Variants in STAT4 observed in about 807,000 individuals in gnomAD.
The protein encoded by STAT4 is signal transducer and activator of transcription 4.
A neutral mutation model predicts 110.5 loss-of-function variants in STAT4; 42 were observed. The observed-to-expected ratio is 0.38, with a 90% CI of 0.30 to 0.49. The LOEUF is 0.49. Ranked by LOEUF, STAT4 falls within the 20% of genes least tolerant of loss-of-function variation. The probability of loss-of-function intolerance (pLI) is 0.95; values close to 1 mark genes in which losing one functional copy is unlikely to be tolerated. For missense variants in STAT4, 632 were observed against 887.9 expected (o/e 0.71, Z 3.66); for synonymous variants, 284 against 302.2 (o/e 0.94, Z 0.63).
chr2:191,148,114 A>T lies in STAT4; in HGVS notation c.90T>A (p.Ile30=), dbSNP rs1699503776. Residue 30 remains isoleucine (I), a synonymous_variant, in exon 2 of 24, where the codon ATT becomes ATA. Coordinates refer to ENST00000392320, the MANE Select transcript of STAT4 (RefSeq NM_003151.4). ...CAATCCATTGGGCCAACAGATGCCG[A>T]ATTTCCATGGGAAAGTTGTCATCAT... ...QFYDDNFPME[I]RHLLAQWIEN... The T allele has an allele frequency of 6.2e-7, 1 of 1,613,826 alleles. No homozygotes were observed. The highest frequency in any genetic ancestry group is 1.3e-5 in the African/African-American group (1 of 74,910).
rs553737400 is a variant in STAT4, at chr2:191,148,260, A to G, written c.-1-56T>C. 5.8e-6 allele frequency: 9 copies of G among 1,564,206 alleles called. No individual in the cohort carries two copies. In the Admixed American group the frequency reaches 1.6e-4, roughly 28 times the overall value. ...AAAATATTGTTCATAGCCCTAGTAC[A>G]TATTTTCTTCTTTCCTTAGAATTAG... On this transcript the variant is annotated intron_variant, in intron 1 of 23. Coordinates refer to ENST00000392320, the MANE Select transcript of STAT4 (RefSeq NM_003151.4).
chr2:191,096,448 T>C (rs1265217756), intron 3 of STAT4, among the ~76,000 whole-genome samples: 1 of 152,190 alleles, frequency 6.6e-6, no homozygotes, highest in Non-Finnish European at 1.5e-5. Context: ...ATCCCTGGGA[T>C]GCAAGGCTGG....
chr2:191,106,571 G>C (rs916530374), intron 3 of STAT4, among the ~76,000 whole-genome samples: 3 of 151,634 alleles, frequency 2.0e-5, no homozygotes, highest in Admixed American at 2.0e-4. Flanking sequence ...CAGGAGAATC[G>C]CTTGAACCTG....
rs138051971 is a variant in STAT4 at position 191,059,782 on chromosome 2, A to G, written c.1035-1013T>C. On this transcript the variant is annotated intron_variant, in intron 10 of 23. Coordinates refer to ENST00000392320, the MANE Select transcript of STAT4 (RefSeq NM_003151.4). This position sits in a 1 kb window ranked among gnomAD's most constrained non-coding sequence, Gnocchi z 4.7. ...CAAAGGCTCTTTAAAAGTCCTGTAC[A>G]AGGCACAAGATTGGTTCAGGATCTG... 2.8e-4 allele frequency among the ~76,000 whole-genome samples: 42 copies of G among 152,336 alleles called. No individual in the cohort carries two copies. In the East Asian group the frequency reaches 7.7e-3, roughly 28 times the overall value.
At chr2:191,094,519 C>A (rs190786298) in intron 3 of STAT4, among the ~76,000 whole-genome samples, 1 of 152,212 alleles carries the variant, frequency 6.6e-6, no homozygotes, top group African/African-American at 2.4e-5. Flanking sequence ...AAATAAAATC[C>A]TTTACAGACA....
rs530326128 is a variant in STAT4 at position 191,131,933 on chromosome 2, CA to C, written c.273+14679del. 3.8e-3 allele frequency: 5,071 copies of C among 1,339,532 alleles called. 20 individuals carry two copies. The highest frequency in any genetic ancestry group is 4.5e-3 in the Non-Finnish European group (4,703 of 1,038,758). 83.0% of individuals were successfully genotyped at this position (1,339,532 alleles called of 1,614,324 possible). On this transcript the variant is annotated intron_variant, in intron 3 of 23. Transcript: ENST00000392320. ...AAATTAGAGGTCTGTTTATTCTCTA[CA>C]CTTGTGGAGGTGTGTGTTATCTAGA...
intron 3 of STAT4, among the ~76,000 whole-genome samples, chr2:191,127,310 T>C (rs1698908173): frequency 6.6e-6 from 1 of 152,212 alleles, no homozygotes; most frequent in Non-Finnish European, 1.5e-5. Context: ...TCGCTTAAAG[T>C]GCCTCGCTTG....
At position 191,031,093 on chromosome 2, in the gene STAT4, A is replaced by G. The variant is rs1195236812; in HGVS notation, c.2112-13T>C. On this transcript the variant is annotated splice_polypyrimidine_tract_variant and intron_variant, in intron 22 of 23. Transcript: ENST00000392320. The surrounding 1 kb of genome is among the most constrained non-coding windows in gnomAD (Gnocchi z 4.8). ...TGAATCACTTCGGCTTAAAGAGATAACAAGGTCAATATGGACAAGGATTAA... is the reference window on the plus strand; with the variant it reads ...TGAATCACTTCGGCTTAAAGAGATAGCAAGGTCAATATGGACAAGGATTAA... The G allele has an allele frequency of 4.3e-6, 7 of 1,612,258 alleles. No homozygotes were observed. The highest frequency in any genetic ancestry group is 1.3e-5 in the African/African-American group (1 of 74,896).
intron 3 of STAT4, among the ~76,000 whole-genome samples, chr2:191,093,410 G>A (rs1243026514): frequency 2.0e-5 from 3 of 152,212 alleles, no homozygotes; most frequent in African/African-American, 4.8e-5. Context: ...AATATTTGCT[G>A]TTCTGCAGCC....
rs760744584 is a variant in STAT4 at position 191,035,914 on chromosome 2, G to A, written c.1570+250C>T. 3.4e-4 allele frequency among the ~76,000 whole-genome samples: 52 copies of A among 152,172 alleles called. No individual in the cohort carries two copies. The highest frequency in any genetic ancestry group is 6.3e-4 in the Non-Finnish European group (43 of 68,036). ...GCTGCTGTGTACTAGCCATGCAGCCGTGGCAAGTCACTTGACTTCTGCACT... is the reference window on the plus strand; with the variant it reads ...GCTGCTGTGTACTAGCCATGCAGCCATGGCAAGTCACTTGACTTCTGCACT... On this transcript the variant is annotated intron_variant, in intron 17 of 23. Coordinates refer to ENST00000392320, the MANE Select transcript of STAT4 (RefSeq NM_003151.4). This position sits in a 1 kb window ranked among gnomAD's most constrained non-coding sequence, Gnocchi z 4.7.
At position 191,032,934 on chromosome 2, in the gene STAT4, CA is replaced by C. The variant is rs755816671; in HGVS notation, c.2044+23del. 22 of 1,567,394 alleles carry C rather than the reference CA, an allele frequency of 1.4e-5. No homozygotes were observed. The East Asian group carries it at 5.0e-4, about 35-fold the overall frequency. ...TTCCAAAATCTTAAGGAAAAAAAAA[CA>C]AAAACAAACAGAAAAACCTAACCTT... On this transcript the variant is annotated intron_variant, in intron 21 of 23. Coordinates refer to ENST00000392320, the MANE Select transcript of STAT4 (RefSeq NM_003151.4). This position sits in a 1 kb window ranked among gnomAD's most constrained non-coding sequence, Gnocchi z 4.9.
chr2:191,120,763 T>C lies in STAT4; in HGVS notation c.273+25850A>G, dbSNP rs10209345. Among the ~76,000 whole-genome samples the C allele has an allele frequency of 3.0e-3, 452 of 152,176 alleles. 1 individual carries two copies. Among genetic ancestry groups the C allele is most frequent in the African/African-American group, 9.1e-3 (376 of 41,538 alleles). On this transcript the variant is annotated intron_variant, in intron 3 of 23. Transcript: ENST00000392320. The stretch of plus-strand genomic sequence containing the variant: ...CTGGATCCCTTCCTTACACCTTATA[T>C]AAAAATTAATTCAAGATGGATTACT...
At position 191,091,403 on chromosome 2, in the gene STAT4, T is replaced by G. The variant is rs970373375; in HGVS notation, c.274-15078A>C. Reference sequence around the variant, plus strand: ...AGGTCTTACATGAATTAAATTAAACTAGGGTCACACTGAAAACTTTAAAAT... The same window carrying G: ...AGGTCTTACATGAATTAAATTAAACGAGGGTCACACTGAAAACTTTAAAAT... On this transcript the variant is annotated intron_variant, in intron 3 of 23. Transcript: ENST00000392320. This position sits in a 1 kb window ranked among gnomAD's most constrained non-coding sequence, Gnocchi z 5.4. Among the ~76,000 whole-genome samples, 1 of 149,952 alleles carries G rather than the reference T, an allele frequency of 6.7e-6. No homozygotes were observed. The highest frequency in any genetic ancestry group is 6.6e-5 in the Admixed American group (1 of 15,048).
Position 191,148,324 on chromosome 2 carries a change from A to G in STAT4, c.-1-120T>C, listed in dbSNP as rs1037439883. The G allele has an allele frequency of 4.6e-6, 6 of 1,298,286 alleles. No homozygotes were observed. The African/African-American group carries it at 9.1e-5, about 20-fold the overall frequency. 80.4% of individuals were successfully genotyped at this position (1,298,286 alleles called of 1,614,324 possible). On this transcript the variant is annotated intron_variant, in intron 1 of 23. Coordinates refer to ENST00000392320, the MANE Select transcript of STAT4 (RefSeq NM_003151.4). Reference sequence around the variant, plus strand: ...TGAATTCCAATATATCCAAGGATACAAAAATTTCACTAAGGTTTTTTTTCA... The same window carrying G: ...TGAATTCCAATATATCCAAGGATACGAAAATTTCACTAAGGTTTTTTTTCA...
chr2:191,089,528 T>A (rs1421825071), intron 3 of STAT4, among the ~76,000 whole-genome samples: 1 of 152,244 alleles, frequency 6.6e-6, no homozygotes, highest in Non-Finnish European at 1.5e-5. Context: ...CATACTCTTG[T>A]AATATGATTC....
At position 191,142,719 on chromosome 2, in the gene STAT4, T is replaced by C. The variant is rs1318923212; in HGVS notation, c.273+3894A>G. Among the ~76,000 whole-genome samples, 2 of 152,116 alleles carry C rather than the reference T, an allele frequency of 1.3e-5. No homozygotes were observed. Among genetic ancestry groups the C allele is most frequent in the Non-Finnish European group, 2.9e-5 (2 of 68,016 alleles). On this transcript the variant is annotated intron_variant, in intron 3 of 23. Transcript: ENST00000392320. This position sits in a 1 kb window ranked among gnomAD's most constrained non-coding sequence, Gnocchi z 4.1. ...GGAATAAAATATTTCATGTACCCCA[T>C]AAATATGTAAAGTATTGTATATCAA... is the stretch of plus-strand genomic sequence containing the variant.
intron 5 of STAT4, among the ~76,000 whole-genome samples, chr2:191,070,048 G>A (rs1173540742): frequency 6.6e-6 from 1 of 152,046 alleles, no homozygotes; most frequent in Non-Finnish European, 1.5e-5. Flanking sequence ...TCCAAATGAT[G>A]CTATGCATAT....
chr2:191,088,447 CT>C (rs1559061426), intron 3 of STAT4, among the ~76,000 whole-genome samples: 5 of 152,132 alleles, frequency 3.3e-5, no homozygotes, highest in African/African-American at 1.2e-4. Context: ...TTCATATTCA[CT>C]TTAGGCAGAA....
At position 191,131,831 on chromosome 2, in the gene STAT4, A is replaced by G. The variant is rs761128636; in HGVS notation, c.273+14782T>C. The G allele has an allele frequency of 1.5e-5, 22 of 1,441,918 alleles. No individual in the cohort carries two copies. In the South Asian group the frequency reaches 3.3e-4, roughly 22 times the overall value. 89.3% of individuals were successfully genotyped at this position (1,441,918 alleles called of 1,614,324 possible). A position where few individuals can be genotyped will look rare whatever the true frequency, so the allele number is the denominator to read the frequency against. On this transcript the variant is annotated intron_variant, in intron 3 of 23. Coordinates refer to ENST00000392320, the MANE Select transcript of STAT4 (RefSeq NM_003151.4). Reference sequence around the variant, plus strand: ...GAAGAAGCTAAGTCCTAGGGACAAGATTTGGACCTTTGAATGCAGGTTTCT... The same window carrying G: ...GAAGAAGCTAAGTCCTAGGGACAAGGTTTGGACCTTTGAATGCAGGTTTCT...
Sources: allele counts gnomAD v4.1 joint callset (sites outside exome capture counted in the v4.1 genomes callset), GRCh38; gene constraint gnomAD v4.1.1; non-coding constraint Gnocchi (gnomAD v3.1); transcripts MANE v1.5; gene names NCBI Gene and HGNC (gene_info 2026-07-23, HGNC 2026-07-21).